The following MGAT5 variants were observed in gnomAD, a reference collection of about 807,000 sequenced individuals.
The protein encoded by MGAT5 is alpha-1,6-mannosylglycoprotein 6-beta-N-acetylglucosaminyltransferase, also known as alpha-1,6-mannosylglycoprotein 6-beta-N-acetylglucosaminyltransferase A.
MGAT5 carries 30 observed loss-of-function variants against 94.3 expected under a neutral mutation model. That is an observed-to-expected ratio of 0.32 (90% confidence interval 0.24 to 0.43). The LOEUF (loss-of-function observed/expected upper bound fraction) is 0.43, where lower values mean the gene tolerates loss of function less well. Ranked by LOEUF, MGAT5 falls within the 20% of genes least tolerant of loss-of-function variation. The probability of loss-of-function intolerance (pLI) is 1.00; values close to 1 mark genes in which losing one functional copy is unlikely to be tolerated. For synonymous variants in MGAT5, 310 were observed against 322.9 expected (o/e 0.96, Z 0.43); for missense variants, 691 against 905.5 (o/e 0.76, Z 3.04).
intron 1 of MGAT5, among the ~76,000 whole-genome samples, chr2:134,180,568 T>C (rs1688686641): frequency 6.6e-6 from 1 of 152,292 alleles, no homozygotes; most frequent in East Asian, 1.9e-4. Context: ...TAGGGTTCCA[T>C]GATTAGAAAG....
At chr2:134,160,013 C>T (rs1238684823) in intron 1 of MGAT5, among the ~76,000 whole-genome samples, 1 of 152,064 alleles carries the variant, frequency 6.6e-6, no homozygotes, top group Non-Finnish European at 1.5e-5. Flanking sequence ...GCATCAGAGT[C>T]CTTTGGGGAG....
At chr2:134,292,676 T>C (rs1685446438) in intron 2 of MGAT5, among the ~76,000 whole-genome samples, 1 of 152,156 alleles carries the variant, frequency 6.6e-6, no homozygotes, top group Non-Finnish European at 1.5e-5. Flanking sequence ...GGTGTTTTGT[T>C]TGTCTTGTTT....
At chr2:134,142,308 A>G (rs1216004360) in intron 1 of MGAT5, among the ~76,000 whole-genome samples, 2 of 152,210 alleles carry the variant, frequency 1.3e-5, no homozygotes, top group African/African-American at 4.8e-5. Flanking sequence ...GGAAGAGCCA[A>G]TTCTTGGAAA....
intron 1 of MGAT5, among the ~76,000 whole-genome samples, chr2:134,152,529 C>T (rs571454090): frequency 6.6e-6 from 1 of 152,398 alleles, no homozygotes; most frequent in South Asian, 2.1e-4. Flanking sequence ...TCACTCACAG[C>T]TCTTCTTTCT....
At chr2:134,445,281 C>T (rs1332345380) in intron 15 of MGAT5, among the ~76,000 whole-genome samples, 2 of 152,092 alleles carry the variant, frequency 1.3e-5, no homozygotes, top group Non-Finnish European at 2.9e-5. Flanking sequence ...GGGACTCTGG[C>T]AAGACCCTGA....
intron 1 of MGAT5, among the ~76,000 whole-genome samples, chr2:134,242,899 G>T (rs1682045155): frequency 6.6e-6 from 1 of 152,064 alleles, no homozygotes; most frequent in South Asian, 2.1e-4. Context: ...ACAAGGCTCT[G>T]TGGTAGACTA....
chr2:134,190,818 G>A (rs911491761), intron 1 of MGAT5, among the ~76,000 whole-genome samples: 1 of 151,788 alleles, frequency 6.6e-6, no homozygotes, highest in Non-Finnish European at 1.5e-5. Flanking sequence ...GCTAATTTAT[G>A]TATTTTTTTT....
At chr2:134,176,688 A>T (rs1301197592) in intron 1 of MGAT5, among the ~76,000 whole-genome samples, 1 of 152,184 alleles carries the variant, frequency 6.6e-6, no homozygotes, top group Non-Finnish European at 1.5e-5. Flanking sequence ...TTAGATTCAA[A>T]GACATAATAT....
At chr2:134,130,029 G>C (rs898422306) in intron 1 of MGAT5, among the ~76,000 whole-genome samples, 1 of 152,162 alleles carries the variant, frequency 6.6e-6, no homozygotes, top group Non-Finnish European at 1.5e-5. Flanking sequence ...CCCCGCACTC[G>C]GAGCGGCCGG....
intron 15 of MGAT5, 81 bp downstream of exon 15, chr2:134,441,996 G>C (rs976143603): frequency 6.7e-7 from 1 of 1,497,028 alleles, no homozygotes; most frequent in African/African-American, 1.4e-5. Context: ...AGAGGTACAG[G>C]TTTCCTCTTC....
At chr2:134,191,445 G>A (rs1573828937) in intron 1 of MGAT5, among the ~76,000 whole-genome samples, 1 of 152,092 alleles carries the variant, frequency 6.6e-6, no homozygotes, top group Non-Finnish European at 1.5e-5. Flanking sequence ...GGGTGGGTTC[G>A]CCCCCTCCCC....
chr2:134,332,407 C>G lies in MGAT5; in HGVS notation c.574-3810C>G, dbSNP rs561930096. 2.5e-3 allele frequency among the ~76,000 whole-genome samples: 378 copies of G among 151,530 alleles called. 5 individuals carry two copies. The highest frequency in any genetic ancestry group is 0.023 in the East Asian group (117 of 5,156). ...CATATGTAGAAAGCTGAAACTGGAT[C>G]CCTTCCTTACACCTTATACAAAAAT... On this transcript the variant is annotated intron_variant, in intron 4 of 15. Coordinates refer to ENST00000281923, the MANE Select transcript of MGAT5 (RefSeq NM_002410.5).
chr2:134,133,697 A>T (rs1686278442), intron 1 of MGAT5, among the ~76,000 whole-genome samples: 1 of 152,190 alleles, frequency 6.6e-6, no homozygotes, highest in Admixed American at 6.5e-5. Context: ...GGGCCACCGA[A>T]TGAGAGGGGA....
intron 1 of MGAT5, among the ~76,000 whole-genome samples, chr2:134,193,125 A>T (rs185407607): frequency 6.5e-4 from 85 of 131,290 alleles, no homozygotes; most frequent in South Asian, 1.4e-3. Flanking sequence ...TTTATTTTTT[A>T]TTTTTTTTTT....
At chr2:134,296,581 T>G (rs1685686900) in intron 2 of MGAT5, among the ~76,000 whole-genome samples, 1 of 152,130 alleles carries the variant, frequency 6.6e-6, no homozygotes. Flanking sequence ...CCACTTTCCT[T>G]AGTCTTATAA....
At chr2:134,127,925 T>A (rs1283571302) in intron 1 of MGAT5, among the ~76,000 whole-genome samples, 1 of 152,116 alleles carries the variant, frequency 6.6e-6, no homozygotes, top group Non-Finnish European at 1.5e-5. Context: ...TCTTTCAGAG[T>A]TCATCTTTTA....
At chr2:134,419,170 A>G (rs1684141195) in intron 12 of MGAT5, among the ~76,000 whole-genome samples, 1 of 152,198 alleles carries the variant, frequency 6.6e-6, no homozygotes, top group Non-Finnish European at 1.5e-5. Flanking sequence ...AACTGCATAC[A>G]TGTCTCTTTG....
chr2:134,353,194 T>TA (rs1229560242), intron 9 of MGAT5, among the ~76,000 whole-genome samples: 1 of 152,080 alleles, frequency 6.6e-6, no homozygotes, highest in African/African-American at 2.4e-5. Context: ...ATTTGTTTTT[T>TA]ACCACAATAA....
intron 9 of MGAT5, among the ~76,000 whole-genome samples, chr2:134,355,066 G>A (rs13005403): frequency 0.097 from 14,690 of 152,106 alleles, 847 homozygotes; most frequent in South Asian, 0.21. Context: ...TCCTCCCCAG[G>A]TCCTGGCCCC....
Sources: allele counts gnomAD v4.1 joint callset (sites outside exome capture counted in the v4.1 genomes callset), GRCh38; gene constraint gnomAD v4.1.1; transcripts MANE v1.5; gene names NCBI Gene and HGNC (gene_info 2026-07-23, HGNC 2026-07-21).